Variants in KLHDC8A observed in about 807,000 individuals in gnomAD.
The protein encoded by KLHDC8A is kelch domain containing 8A.
Under a neutral mutation model 33.1 loss-of-function variants are expected in KLHDC8A, and 21 were observed. The observed-to-expected ratio is 0.64, with a 90% confidence interval of 0.45 to 0.91. The LOEUF (loss-of-function observed/expected upper bound fraction) is 0.91, where lower values mean the gene tolerates loss of function less well. KLHDC8A is among the 40% of genes least tolerant of loss of function. KLHDC8A has a pLI of 0.00. For missense variants in KLHDC8A, 435 were observed against 483.3 expected (o/e 0.90, Z 0.94); for synonymous variants, 173 against 193.5 (o/e 0.89, Z 0.88).
chr1:205,354,873 C>T (rs571440276), intron 1 of KLHDC8A, among the ~76,000 whole-genome samples: 8 of 152,192 alleles, frequency 5.3e-5, no homozygotes, highest in Non-Finnish European at 8.8e-5. Flanking sequence ...ACGTAAGTCT[C>T]TTTGTTAAAT....
rs193277615 is a variant in KLHDC8A, at chr1:205,349,874, T to C, written c.-189-6081A>G. Reference sequence around the variant, plus strand: ...CTATGACCTCCAGCCTACGTTTTGTTGTAACCGGGCTGTGCAACTATGGGC... The same window carrying C: ...CTATGACCTCCAGCCTACGTTTTGTCGTAACCGGGCTGTGCAACTATGGGC... On this transcript the variant is annotated intron_variant, in intron 1 of 5. Coordinates refer to ENST00000367155, the MANE Select transcript of KLHDC8A (RefSeq NM_018203.3). 2.4e-3 allele frequency among the ~76,000 whole-genome samples: 359 copies of C among 152,260 alleles called. 8 individuals are homozygous for C. The South Asian group carries it at 0.04, about 17-fold the overall frequency.
intron 2 of KLHDC8A, among the ~76,000 whole-genome samples, chr1:205,340,420 C>T (rs1182145401): frequency 2.0e-5 from 3 of 152,206 alleles, no homozygotes; most frequent in Non-Finnish European, 2.9e-5. Flanking sequence ...GCCTGGAAAA[C>T]CCTTTGCAGG....
At chr1:205,355,224 G>A (rs1408563251) in intron 1 of KLHDC8A, among the ~76,000 whole-genome samples, 2 of 152,324 alleles carry the variant, frequency 1.3e-5, no homozygotes, top group African/African-American at 2.4e-5. Context: ...CTCTCAGCCA[G>A]GCTTAATGCC....
In KLHDC8A at chr1:205,343,339, G is replaced by A; in HGVS notation, c.266C>T (p.Thr89Ile). The change falls in exon 2 of 6, where the codon ACC (threonine) becomes ATC (isoleucine). Residue 89 changes from threonine (T) to isoleucine (I), a missense_variant. By Grantham distance (89) the Thr-to-Ile change is moderately conservative (BLOSUM62 -1). Coordinates refer to ENST00000367155, the MANE Select transcript of KLHDC8A (RefSeq NM_018203.3). ...CACGACCTTCAGGGGCAGCTGATTG[G>A]TGCCCACGCCCCCAATCACCATGAT... is the stretch of plus-strand genomic sequence containing the variant. Reference protein sequence around the residue: ...KRIMVIGGVGTNQLPLKVVEM... With the variant: ...KRIMVIGGVGINQLPLKVVEM... The A allele has an allele frequency of 6.2e-7, 1 of 1,613,746 alleles. No individual in the cohort carries two copies. Among genetic ancestry groups the A allele is most frequent in the Admixed American group, 1.7e-5 (1 of 60,018 alleles).
intron 1 of KLHDC8A, among the ~76,000 whole-genome samples, chr1:205,345,841 G>A (rs573984094): frequency 3.3e-5 from 5 of 151,214 alleles, no homozygotes; most frequent in East Asian, 4.0e-4. Flanking sequence ...TTGGATGGCC[G>A]AGGTACGTGG....
In KLHDC8A at chr1:205,338,556, C is replaced by G. The variant is rs536597346; in HGVS notation, c.798G>C (p.Lys266Asn). 1 of 1,614,188 alleles carries G rather than the reference C, an allele frequency of 6.2e-7. No homozygotes were observed. Among genetic ancestry groups the G allele is most frequent in the African/African-American group, 1.3e-5 (1 of 75,042 alleles). The change falls in exon 5 of 6, where the codon AAG becomes AAC. Residue 266 changes from lysine (K) to asparagine (N), a missense_variant. Lys to Asn is a moderately conservative substitution (Grantham distance 94). Transcript: ENST00000367155. Reference protein sequence around the residue: ...LKMERSFFLKKRRADFVAGSL... With the variant: ...LKMERSFFLKNRRADFVAGSL... ...AGCCAGCCACAAAATCTGCCCGCCG[C>G]TTCTTGAGGAAGAACGATCGTTCCA...
At chr1:205,341,714 G>T (rs574892388) in intron 2 of KLHDC8A, among the ~76,000 whole-genome samples, 1 of 151,650 alleles carries the variant, frequency 6.6e-6, no homozygotes, top group Admixed American at 6.6e-5. Context: ...GCAGTGGCGC[G>T]ATCTCGGCTC....
intron 1 of KLHDC8A, among the ~76,000 whole-genome samples, chr1:205,345,205 G>T (rs1251968026): frequency 6.6e-6 from 1 of 152,092 alleles, no homozygotes; most frequent in Non-Finnish European, 1.5e-5. Flanking sequence ...GGAAGACCTG[G>T]GTTTGAATCT....
At chr1:205,351,690 G>A (rs1255000610) in intron 1 of KLHDC8A, among the ~76,000 whole-genome samples, 1 of 151,634 alleles carries the variant, frequency 6.6e-6, no homozygotes, top group East Asian at 1.9e-4. Context: ...AGGCTGAGGC[G>A]GGCGGATCAC....
At chr1:205,351,153 C>T in intron 1 of KLHDC8A, 1 of 693,344 alleles carries the variant, frequency 1.4e-6, no homozygotes. Flanking sequence ...AGAGATTCCT[C>T]ACCTGGTACA....
At chr1:205,354,688 C>T (rs1663215058) in intron 1 of KLHDC8A, among the ~76,000 whole-genome samples, 1 of 152,060 alleles carries the variant, frequency 6.6e-6, no homozygotes, top group Non-Finnish European at 1.5e-5. Flanking sequence ...CAGGTGCATT[C>T]ATCACTCTTT....
chr1:205,352,945 G>C (rs1176173396), intron 1 of KLHDC8A, among the ~76,000 whole-genome samples: 1 of 152,216 alleles, frequency 6.6e-6, no homozygotes, highest in Admixed American at 6.5e-5. Context: ...TTCACACCCA[G>C]ACCTAACAGC....
chr1:205,339,116 G>T lies in KLHDC8A; in HGVS notation c.757+78C>A. 1 of 1,247,586 alleles carries T rather than the reference G, an allele frequency of 8.0e-7. No homozygotes were observed. Among genetic ancestry groups the T allele is most frequent in the Non-Finnish European group, 1.2e-6 (1 of 869,534 alleles). The allele number at this position is 1,247,586 out of a possible 1,614,324, so 77.3% of individuals were successfully genotyped here. A position where few individuals can be genotyped will look rare whatever the true frequency, so the allele number is the denominator to read the frequency against. ...GGTAAACGGCCCTGGAAGATGGCTG[G>T]AATAGGGGTAAGGGATGGGGAGCCA... On this transcript the variant is annotated intron_variant, in intron 4 of 5. Transcript: ENST00000367155. The surrounding 1 kb of genome is among the most constrained non-coding windows in gnomAD (Gnocchi z 5.1).
chr1:205,343,586 T>C lies in KLHDC8A; in HGVS notation c.19A>G (p.Lys7Glu), dbSNP rs142418976. Reference sequence around the variant, plus strand: ...GCCAGGCGCTTCCACTGGAAGTCCTTGACGTTAGGCACCTCCATGGCAGCC... The same window carrying C: ...GCCAGGCGCTTCCACTGGAAGTCCTCGACGTTAGGCACCTCCATGGCAGCC... MEVPNV[K>E]DFQWKRLAPL... Residue 7 changes from lysine (K) to glutamate (E), a missense_variant, in exon 2 of 6, where the codon AAG becomes GAG. Transcript: ENST00000367155. 8.0e-4 allele frequency: 1,278 copies of C among 1,605,750 alleles called. No homozygotes were observed. The highest frequency in any genetic ancestry group is 9.8e-4 in the Non-Finnish European group (1,150 of 1,174,966).
In KLHDC8A at chr1:205,338,580, C is replaced by T. The variant is rs1364019337; in HGVS notation, c.774G>A (p.Met258Ile). The T allele has an allele frequency of 1.2e-6, 2 of 1,614,010 alleles. No individual in the cohort carries two copies. The highest frequency in any genetic ancestry group is 1.7e-6 in the Non-Finnish European group (2 of 1,180,012). ...GCTTCTTGAGGAAGAACGATCGTTC[C>T]ATCTTCAGCCATCCCCCTATAGGCC... ...FDMEQGGWLK[M>I]ERSFFLKKRR... The change falls in exon 5 of 6, where the codon ATG becomes ATA. Residue 258 changes from methionine (M) to isoleucine (I), a missense_variant. Physicochemically the swap from Met to Ile is conservative, Grantham distance 10. Transcript: ENST00000367155.
chr1:205,349,653 T>G (rs1232776306), intron 1 of KLHDC8A, among the ~76,000 whole-genome samples: 1 of 152,114 alleles, frequency 6.6e-6, no homozygotes, highest in African/African-American at 2.4e-5. Context: ...TAAGAGGAAA[T>G]GGGGCTTACA....
chr1:205,352,587 G>C (rs1382047968), intron 1 of KLHDC8A, among the ~76,000 whole-genome samples: 1 of 152,228 alleles, frequency 6.6e-6, no homozygotes, highest in Non-Finnish European at 1.5e-5. Context: ...GACGGGAGAG[G>C]GCGGGGACGC....
At position 205,343,671 on chromosome 1, in the gene KLHDC8A, G is replaced by A; in HGVS notation, c.-67C>T. ...CGCGGGGGTCCACCGGCTACTTGGC[G>A]CCGGCTCCCACGGCCCCTATCGCCA... is the stretch of plus-strand genomic sequence containing the variant. On this transcript the variant is annotated 5_prime_UTR_variant, in exon 2 of 6. Transcript: ENST00000367155. 2 of 1,478,056 alleles carry A rather than the reference G, an allele frequency of 1.4e-6. No individual in the cohort carries two copies. Among genetic ancestry groups the A allele is most frequent in the Non-Finnish European group, 1.8e-6 (2 of 1,112,864 alleles). 91.6% of individuals were successfully genotyped at this position (1,478,056 alleles called of 1,614,324 possible).
chr1:205,345,980 A>C (rs1662936287), intron 1 of KLHDC8A, among the ~76,000 whole-genome samples: 1 of 152,250 alleles, frequency 6.6e-6, no homozygotes. Flanking sequence ...AGGCAGAGGC[A>C]GGAGAATCAC....
Sources: gnomAD v4.1 joint callset for allele counts (sites outside exome capture counted in the v4.1 genomes callset) on GRCh38, gnomAD v4.1.1 for gene constraint, Gnocchi (gnomAD v3.1) non-coding constraint, MANE v1.5 for transcripts, NCBI Gene and HGNC (gene_info 2026-07-23, HGNC 2026-07-21) for gene names.